Variants in TMEM164 observed in about 807,000 individuals in gnomAD.
TMEM164 encodes RP13-360B22.2.
In TMEM164, 4 loss-of-function variants were observed where a neutral mutation model predicts 18.8. The observed-to-expected ratio is 0.21, with a 90% CI of 0.10 to 0.49. The LOEUF (loss-of-function observed/expected upper bound fraction) is 0.49, where lower values mean the gene tolerates loss of function less well. TMEM164 is among the 20% of genes least tolerant of loss of function. The pLI is 0.98. For synonymous variants in TMEM164, 86 were observed against 101.7 expected, an observed-to-expected ratio of 0.85 and a Z score of 0.93; for missense variants, 108 against 239.9, an observed-to-expected ratio of 0.45 and a Z score of 3.63.
intron 2 of TMEM164, among the ~76,000 whole-genome samples, chrX:110,008,241 G>A (rs1361633566): frequency 8.9e-6 from 1 of 112,257 alleles, no homozygotes; most frequent in Non-Finnish European, 1.9e-5. Context: ...GCAACTCACT[G>A]AATACACACT....
chrX:110,082,929 C>G (rs893675790), intron 3 of TMEM164, among the ~76,000 whole-genome samples: 3 of 111,556 alleles, frequency 2.7e-5, no homozygotes, highest in African/African-American at 9.8e-5. Context: ...TTTTGATGTA[C>G]AGGTGTTTCC....
intron 5 of TMEM164, among the ~76,000 whole-genome samples, chrX:110,150,359 A>C (rs368866303): frequency 2.1e-4 from 23 of 111,978 alleles, no homozygotes; most frequent in Non-Finnish European, 4.3e-4. Context: ...GGCTGGCGTC[A>C]TATATGAAGG....
chrX:110,176,065 T>A lies in TMEM164; in HGVS notation c.*2614T>A, dbSNP rs2067285794. ...GCTTTCCTGTCAGTGCCAAGCCAGTTCCCCAGCCAGGTTTCCGTGTGCCAT... is the reference window on the plus strand; with the variant it reads ...GCTTTCCTGTCAGTGCCAAGCCAGTACCCCAGCCAGGTTTCCGTGTGCCAT... On this transcript the variant is annotated 3_prime_UTR_variant, in exon 7 of 7. Coordinates refer to ENST00000372068, the MANE Select transcript of TMEM164 (RefSeq NM_032227.4). 5.3e-6 allele frequency: 4 copies of A among 756,670 alleles called. No individual in the cohort carries two copies. The highest frequency in any genetic ancestry group is 6.3e-6 in the Non-Finnish European group (4 of 639,711). The allele number at this position is 756,670 out of a possible 1,213,427, so 62.4% of individuals were successfully genotyped here.
At chrX:110,037,433 C>T (rs1343261923) in intron 2 of TMEM164, among the ~76,000 whole-genome samples, 2 of 111,887 alleles carry the variant, frequency 1.8e-5, no homozygotes, top group African/African-American at 6.5e-5. Context: ...TAGTGATTCA[C>T]AAACTCCATC....
chrX:110,133,552 A>C (rs1268332819), intron 4 of TMEM164, among the ~76,000 whole-genome samples: 1 of 111,759 alleles, frequency 8.9e-6, no homozygotes, highest in African/African-American at 3.3e-5. Context: ...CTATCTCCAA[A>C]TACATTCACA....
chrX:110,129,484 C>T (rs1031279291), intron 4 of TMEM164, among the ~76,000 whole-genome samples: 4 of 112,520 alleles, frequency 3.6e-5, no homozygotes, highest in Non-Finnish European at 7.5e-5. Context: ...AATTGGATGC[C>T]GTATCCCACT....
intron 3 of TMEM164, among the ~76,000 whole-genome samples, chrX:110,067,668 T>C (rs750088801): frequency 8.3e-4 from 93 of 112,521 alleles, no homozygotes; most frequent in African/African-American, 2.6e-3. Flanking sequence ...GTTGCTGCCC[T>C]GCTAAAATTT....
intron 4 of TMEM164, 62 bp downstream of exon 4, chrX:110,109,208 A>G: frequency 6.5e-6 from 7 of 1,073,794 alleles, no homozygotes; most frequent in Non-Finnish European, 9.1e-6. Context: ...CTATATGCCC[A>G]TGTGATTTTA....
chrX:110,042,384 T>C (rs909478469), intron 2 of TMEM164, among the ~76,000 whole-genome samples: 8 of 112,158 alleles, frequency 7.1e-5, no homozygotes, highest in Admixed American at 3.8e-4. Context: ...GGGTGAGTAA[T>C]ATTATATTGT....
intron 2 of TMEM164, among the ~76,000 whole-genome samples, chrX:110,047,943 A>G (rs1032012471): frequency 8.9e-6 from 1 of 111,768 alleles, no homozygotes; most frequent in Non-Finnish European, 1.9e-5. Flanking sequence ...TCCTAGGCAT[A>G]CATCCCAGCT....
At chrX:110,112,073 G>A (rs1171078952) in intron 4 of TMEM164, among the ~76,000 whole-genome samples, 1 of 110,856 alleles carries the variant, frequency 9.0e-6, no homozygotes, top group Non-Finnish European at 1.9e-5. Flanking sequence ...GCTGAGCCTG[G>A]TGGCTCACAC....
intron 2 of TMEM164, among the ~76,000 whole-genome samples, chrX:110,049,306 G>T (rs1176999168): frequency 9.0e-6 from 1 of 110,941 alleles, no homozygotes; most frequent in Non-Finnish European, 1.9e-5. Context: ...ACGGCCTAAT[G>T]CAGCAGTCTC....
chrX:110,003,934 C>G lies in TMEM164; in HGVS notation c.160C>G (p.Leu54Val), dbSNP rs912007233. 1.7e-6 allele frequency: 2 copies of G among 1,209,502 alleles called. No homozygotes were observed. The highest frequency in any genetic ancestry group is 2.2e-6 in the Non-Finnish European group (2 of 895,051). The change falls in exon 2 of 7, where the codon CTG (leucine) becomes GTG (valine). Residue 54 changes from leucine (L) to valine (V), a missense_variant. Coordinates refer to ENST00000372068, the MANE Select transcript of TMEM164 (RefSeq NM_032227.4). ...VVLTLALLEI[L>V]VALRHILRQT... ...CCTGACCCTGGCTCTGTTGGAGATC[C>G]TGGTGGCCCTGCGGCACATCCTGAG... is the stretch of plus-strand genomic sequence containing the variant.
At chrX:110,168,963 T>G (rs1282834972) in intron 5 of TMEM164, among the ~76,000 whole-genome samples, 1 of 112,263 alleles carries the variant, frequency 8.9e-6, no homozygotes, top group Non-Finnish European at 1.9e-5. Flanking sequence ...CCAACAACAT[T>G]GTGAATTAGG....
intron 5 of TMEM164, among the ~76,000 whole-genome samples, chrX:110,164,396 G>C (rs908454691): frequency 1.8e-5 from 2 of 111,932 alleles, no homozygotes; most frequent in Non-Finnish European, 3.8e-5. Context: ...TTCCAGTGGG[G>C]TCAAAGAAGT....
intron 4 of TMEM164, among the ~76,000 whole-genome samples, chrX:110,128,490 A>G (rs1265388806): frequency 9.0e-6 from 1 of 111,643 alleles, no homozygotes; most frequent in Admixed American, 9.5e-5. Flanking sequence ...GTGTTCTGCA[A>G]TTTTGCTATA....
chrX:110,159,444 C>T (rs759046087), intron 5 of TMEM164, among the ~76,000 whole-genome samples: 86 of 110,551 alleles, frequency 7.8e-4, no homozygotes, highest in African/African-American at 2.7e-3. Context: ...CCAGCAGAGG[C>T]GGGGCAGTTC....
upstream of TMEM164, chrX:110,002,791 G>C (rs895857437): frequency 1.8e-5 from 2 of 110,625 alleles, no homozygotes; most frequent in African/African-American, 6.6e-5. Context: ...AGCCCCGAGG[G>C]GCGCGGCGGC....
upstream of TMEM164, chrX:110,002,758 C>T (rs1346759704): frequency 1.9e-5 from 2 of 107,933 alleles, no homozygotes; most frequent in East Asian, 3.0e-4. Context: ...TCCGGGGCCG[C>T]GGGCCGAGCT....
Sources: allele counts gnomAD v4.1 joint callset (sites outside exome capture counted in the v4.1 genomes callset), GRCh38; gene constraint gnomAD v4.1.1; transcripts MANE v1.5; gene names NCBI Gene and HGNC (gene_info 2026-07-23, HGNC 2026-07-21).